The following MAN2A1 variants were observed in gnomAD, a reference collection of about 807,000 sequenced individuals.
MAN2A1 encodes alpha-mannosidase 2.
MAN2A1 carries 76 observed loss-of-function variants against 142.6 expected under a neutral mutation model. The observed-to-expected ratio is 0.53, with a 90% confidence interval of 0.44 to 0.65. The LOEUF is 0.65. MAN2A1 is among the 30% of genes least tolerant of loss of function. The pLI is 0.00. For synonymous variants in MAN2A1, 559 were observed against 473.2 expected, an observed-to-expected ratio of 1.18 and a Z score of -2.35; for missense variants, 1,311 against 1,365.1, an observed-to-expected ratio of 0.96 and a Z score of 0.62.
At chr5:109,729,253 C>T (rs1022601370) in intron 3 of MAN2A1, 89 bp from the exon 4 acceptor site, 12 of 747,980 alleles carry the variant, frequency 1.6e-5, no homozygotes, top group Non-Finnish European at 2.1e-5. Flanking sequence ...AAAATTCTAA[C>T]GATGTCCAAA....
chr5:109,755,307 A>G (rs1178386809), intron 4 of MAN2A1, 22 bp from the exon 5 acceptor site: 2 of 1,584,048 alleles, frequency 1.3e-6, no homozygotes, highest in Non-Finnish European at 1.7e-6. Flanking sequence ...ATTAATGTAG[A>G]CTCTTGTTAT....
intron 3 of MAN2A1, among the ~76,000 whole-genome samples, chr5:109,725,913 TA>T (rs556521279): frequency 0.019 from 2,824 of 151,466 alleles, 34 homozygotes; most frequent in Middle Eastern, 0.072. Flanking sequence ...TTTTAGAACT[TA>T]AAAAAAAATA....
intron 12 of MAN2A1, among the ~76,000 whole-genome samples, chr5:109,800,171 A>G (rs549848499): frequency 6.6e-6 from 1 of 151,932 alleles, no homozygotes; most frequent in East Asian, 1.9e-4. Flanking sequence ...ACATGCACAC[A>G]TACACCATTT....
At chr5:109,779,204 A>G (rs954842108) in intron 8 of MAN2A1, among the ~76,000 whole-genome samples, 8 of 152,176 alleles carry the variant, frequency 5.3e-5, no homozygotes, top group Non-Finnish European at 4.4e-5. Flanking sequence ...GAGAAAGCCT[A>G]CTAGGCTACT....
intron 1 of MAN2A1, among the ~76,000 whole-genome samples, chr5:109,701,198 C>G (rs142791740): frequency 8.0e-4 from 122 of 152,224 alleles, no homozygotes; most frequent in Middle Eastern, 6.8e-3. Flanking sequence ...AAAGAGAACT[C>G]AAAAACAGAA....
In MAN2A1 at chr5:109,713,645, G is replaced by C; in HGVS notation, c.261G>C (p.Pro87=). 1.2e-6 allele frequency: 2 copies of C among 1,614,156 alleles called. No individual in the cohort carries two copies. Among genetic ancestry groups the C allele is most frequent in the South Asian group, 2.2e-5 (2 of 91,088 alleles). The change falls in exon 2 of 22, where the codon CCG becomes CCC. Residue 87 remains proline (P), a synonymous_variant. Coordinates refer to ENST00000261483, the MANE Select transcript of MAN2A1 (RefSeq NM_002372.4). ...TGAGTGAGTCTGTGGAGGATGGTCC[G>C]AAAAGTTCACAAAGCAATTTCAGCC... ...INLSESVEDG[P]KSSQSNFSQG...
chr5:109,753,752 G>A (rs1311645408), intron 4 of MAN2A1, among the ~76,000 whole-genome samples: 1 of 152,126 alleles, frequency 6.6e-6, no homozygotes, highest in African/African-American at 2.4e-5. Context: ...TGGCTTGAGA[G>A]TTGGCTGTTA....
chr5:109,742,385 G>C lies in MAN2A1; in HGVS notation c.707+12872G>C, dbSNP rs116694301. ...TTTTTTATCTTCACCAAATTGGTGG[G>C]TTTCATTGCTTTAGCAAGAATGCAA... On this transcript the variant is annotated intron_variant, in intron 4 of 21. Transcript: ENST00000261483. 5.0e-3 allele frequency among the ~76,000 whole-genome samples: 765 copies of C among 152,242 alleles called. 7 individuals are homozygous for C. The highest frequency in any genetic ancestry group is 0.017 in the African/African-American group (721 of 41,548).
intron 16 of MAN2A1, among the ~76,000 whole-genome samples, chr5:109,836,432 C>G (rs1367202877): frequency 6.6e-6 from 1 of 152,144 alleles, no homozygotes; most frequent in East Asian, 1.9e-4. Flanking sequence ...CAGTTTTTCT[C>G]TCCCCACACG....
chr5:109,755,511 T>G, intron 5 of MAN2A1, 55 bp downstream of exon 5: 3 of 1,421,728 alleles, frequency 2.1e-6, no homozygotes, highest in Non-Finnish European at 2.9e-6. Context: ...ATTTTCGGGA[T>G]GTGAAGTGAG....
intron 12 of MAN2A1, among the ~76,000 whole-genome samples, chr5:109,809,270 T>C (rs1328113344): frequency 2.0e-5 from 3 of 152,174 alleles, no homozygotes. Context: ...AGATGACTTA[T>C]TATAGTTTAA....
chr5:109,834,047 G>C (rs1754998955), intron 16 of MAN2A1, among the ~76,000 whole-genome samples: 2 of 152,180 alleles, frequency 1.3e-5, no homozygotes, highest in African/African-American at 2.4e-5. Flanking sequence ...AGAAGAAATA[G>C]AGTGGTGGAA....
chr5:109,726,577 A>G (rs933815935), intron 3 of MAN2A1, among the ~76,000 whole-genome samples: 1 of 152,158 alleles, frequency 6.6e-6, no homozygotes. Flanking sequence ...TGAGGGGTGA[A>G]TGAAGTGTTG....
chr5:109,820,150 A>G lies in MAN2A1; in HGVS notation c.2329-70A>G, dbSNP rs990123342. On this transcript the variant is annotated intron_variant, in intron 14 of 21. Coordinates refer to ENST00000261483, the MANE Select transcript of MAN2A1 (RefSeq NM_002372.4). The stretch of plus-strand genomic sequence containing the variant: ...ATTATTTTTTTAAATTGTCATATAC[A>G]TAGAACCAGATGCAACATGCTTAAC... The G allele has an allele frequency of 2.1e-5, 28 of 1,345,960 alleles. No homozygotes were observed. The Admixed American group carries it at 4.7e-4, about 23-fold the overall frequency. 83.4% of individuals were successfully genotyped at this position (1,345,960 alleles called of 1,614,324 possible).
At chr5:109,853,087 T>C (rs901692457) in intron 19 of MAN2A1, among the ~76,000 whole-genome samples, 1 of 152,226 alleles carries the variant, frequency 6.6e-6, no homozygotes, top group African/African-American at 2.4e-5. Flanking sequence ...TTAATATCCA[T>C]GACATTGTTT....
At chr5:109,708,423 C>T (rs1159501795) in intron 1 of MAN2A1, among the ~76,000 whole-genome samples, 3 of 151,010 alleles carry the variant, frequency 2.0e-5, no homozygotes, top group Admixed American at 6.6e-5. Context: ...TTGATAATCC[C>T]GGTACATGAA....
At chr5:109,812,202 G>A (rs969196440) in intron 12 of MAN2A1, among the ~76,000 whole-genome samples, 1 of 152,126 alleles carries the variant, frequency 6.6e-6, no homozygotes, top group African/African-American at 2.4e-5. Flanking sequence ...TTTTATAGAT[G>A]AGGATATTAA....
At chr5:109,792,228 T>G (rs1166768360) in intron 12 of MAN2A1, among the ~76,000 whole-genome samples, 1 of 152,142 alleles carries the variant, frequency 6.6e-6, no homozygotes, top group African/African-American at 2.4e-5. Flanking sequence ...TATTGTTATC[T>G]TTTTAGTTAT....
intron 16 of MAN2A1, among the ~76,000 whole-genome samples, chr5:109,829,451 G>A (rs904217383): frequency 6.6e-6 from 1 of 152,158 alleles, no homozygotes; most frequent in South Asian, 2.1e-4. Context: ...AGATATTACT[G>A]TTCTTTGGGC....
Sources: gnomAD v4.1 joint callset for allele counts (sites outside exome capture counted in the v4.1 genomes callset) on GRCh38, gnomAD v4.1.1 for gene constraint, MANE v1.5 for transcripts, NCBI Gene and HGNC (gene_info 2026-07-23, HGNC 2026-07-21) for gene names.